Variants in EXOC6B observed in about 807,000 individuals in gnomAD.
EXOC6B encodes the protein exocyst complex component 6B.
In EXOC6B, 54 loss-of-function variants were observed where a neutral mutation model predicts 113.5. The ratio of observed to expected loss-of-function variants is 0.48; its 90% CI spans 0.38 to 0.60. The LOEUF is 0.60. Ranked by LOEUF, EXOC6B falls within the 20% of genes least tolerant of loss-of-function variation. The probability of loss-of-function intolerance (pLI) is 0.00; values close to 1 mark genes in which losing one functional copy is unlikely to be tolerated. For missense variants in EXOC6B, 797 were observed against 977.5 expected (o/e 0.82, Z 2.46); for synonymous variants, 357 against 339.0 (o/e 1.05, Z -0.58).
At chr2:72,201,015 G>T (rs554824097) in intron 20 of EXOC6B, among the ~76,000 whole-genome samples, 1 of 151,702 alleles carries the variant, frequency 6.6e-6, no homozygotes, top group East Asian at 1.9e-4. Flanking sequence ...TCATGATTTT[G>T]TTATGTATCT....
chr2:72,235,952 G>C (rs529437067), intron 20 of EXOC6B, among the ~76,000 whole-genome samples: 130 of 152,078 alleles, frequency 8.5e-4, no homozygotes, highest in Non-Finnish European at 1.2e-3. Context: ...GGCTAAAATA[G>C]CCATATAGAA....
intron 7 of EXOC6B, among the ~76,000 whole-genome samples, chr2:72,563,059 T>G (rs776427106): frequency 6.6e-6 from 1 of 152,140 alleles, no homozygotes; most frequent in Non-Finnish European, 1.5e-5. Flanking sequence ...GTAGGTAAGA[T>G]TTTACATTCT....
chr2:72,514,691 G>T lies in EXOC6B; in HGVS notation c.1000-11C>A. On this transcript the variant is annotated splice_polypyrimidine_tract_variant and intron_variant, in intron 9 of 21. Coordinates refer to ENST00000272427, the MANE Select transcript of EXOC6B (RefSeq NM_015189.3). ...ATCTAAAGTTTCATGCTGCAACAAA[G>T]CAAAGAAGAAAAAGTTATTGTTTCT... 6.8e-7 allele frequency: 1 copy of T among 1,472,050 alleles called. No homozygotes were observed. Among genetic ancestry groups the T allele is most frequent in the Non-Finnish European group, 9.1e-7 (1 of 1,099,064 alleles). 91.2% of individuals were successfully genotyped at this position (1,472,050 alleles called of 1,614,324 possible).
At chr2:72,220,537 T>C (rs1573023073) in intron 20 of EXOC6B, among the ~76,000 whole-genome samples, 1 of 152,218 alleles carries the variant, frequency 6.6e-6, no homozygotes, top group Admixed American at 6.5e-5. Flanking sequence ...TGTGTGGTTC[T>C]GGCCACTAAA....
chr2:72,340,833 C>T (rs1205448505), intron 19 of EXOC6B, among the ~76,000 whole-genome samples: 1 of 152,128 alleles, frequency 6.6e-6, no homozygotes, highest in African/African-American at 2.4e-5. Flanking sequence ...TATGAAGTGT[C>T]TAGGGAAGCC....
chr2:72,342,514 T>G (rs545862498), intron 19 of EXOC6B, among the ~76,000 whole-genome samples: 1 of 152,128 alleles, frequency 6.6e-6, no homozygotes, highest in Non-Finnish European at 1.5e-5. Context: ...TTAGGATGGC[T>G]ATCATCAAAA....
chr2:72,727,996 T>C (rs541953886), intron 5 of EXOC6B, among the ~76,000 whole-genome samples: 33 of 152,024 alleles, frequency 2.2e-4, no homozygotes, highest in African/African-American at 7.2e-4. Flanking sequence ...AATAATCTAA[T>C]AAAAATAAAA....
At chr2:72,575,900 C>T (rs944974794) in intron 6 of EXOC6B, among the ~76,000 whole-genome samples, 1 of 152,042 alleles carries the variant, frequency 6.6e-6, no homozygotes, top group Admixed American at 6.6e-5. Context: ...CTGGAGCCAT[C>T]GTATTTTAAC....
At chr2:72,715,274 C>T (rs1166391595) in intron 6 of EXOC6B, among the ~76,000 whole-genome samples, 5 of 151,060 alleles carry the variant, frequency 3.3e-5, no homozygotes, top group African/African-American at 1.2e-4. Context: ...AACCCTCAGG[C>T]AAAAAGCAAA....
chr2:72,692,568 GT>G (rs1421862431), intron 6 of EXOC6B, among the ~76,000 whole-genome samples: 2 of 151,942 alleles, frequency 1.3e-5, no homozygotes, highest in Admixed American at 6.6e-5. Context: ...AGCCAGGATG[GT>G]CTCCATCTCC....
chr2:72,259,594 A>G (rs977432808), intron 20 of EXOC6B, among the ~76,000 whole-genome samples: 1 of 152,252 alleles, frequency 6.6e-6, no homozygotes, highest in African/African-American at 2.4e-5. Context: ...CTTTCATAAG[A>G]AACTGCCAAA....
intron 20 of EXOC6B, among the ~76,000 whole-genome samples, chr2:72,311,810 AAT>A (rs1687203168): frequency 6.6e-6 from 1 of 152,178 alleles, no homozygotes; most frequent in African/African-American, 2.4e-5. Context: ...TCTGAAATAC[AAT>A]ATTAAGGGAT....
At chr2:72,580,400 C>T (rs1197994766) in intron 6 of EXOC6B, among the ~76,000 whole-genome samples, 2 of 152,030 alleles carry the variant, frequency 1.3e-5, no homozygotes, top group Non-Finnish European at 2.9e-5. Context: ...AACTCGGCCT[C>T]CCAAAGTCCT....
At chr2:72,545,477 G>A (rs1702847241) in intron 8 of EXOC6B, among the ~76,000 whole-genome samples, 1 of 152,042 alleles carries the variant, frequency 6.6e-6, no homozygotes, top group Admixed American at 6.5e-5. Context: ...AAATTTGTTT[G>A]TTATTAAATA....
chr2:72,459,323 C>G (rs1573169083), intron 18 of EXOC6B, among the ~76,000 whole-genome samples: 1 of 152,314 alleles, frequency 6.6e-6, no homozygotes, highest in East Asian at 1.9e-4. Flanking sequence ...CTCACCACTC[C>G]TGTTCAACAT....
In EXOC6B at chr2:72,323,533, C is replaced by T. The variant is rs141352987; in HGVS notation, c.2196+11414G>A. Among the ~76,000 whole-genome samples, 543 of 152,134 alleles carry T rather than the reference C, an allele frequency of 3.6e-3. 6 individuals carry two copies. Among genetic ancestry groups the T allele is most frequent in the African/African-American group, 0.012 (496 of 41,488 alleles). Reference sequence around the variant, plus strand: ...TCATTCTACTATAAAGACACATACACGTGTATGTTTATTGCGGCACTATTC... The same window carrying T: ...TCATTCTACTATAAAGACACATACATGTGTATGTTTATTGCGGCACTATTC... On this transcript the variant is annotated intron_variant, in intron 20 of 21. Coordinates refer to ENST00000272427, the MANE Select transcript of EXOC6B (RefSeq NM_015189.3).
At chr2:72,272,336 G>C (rs1684544014) in intron 20 of EXOC6B, among the ~76,000 whole-genome samples, 1 of 152,072 alleles carries the variant, frequency 6.6e-6, no homozygotes, top group Admixed American at 6.6e-5. Context: ...AGCCTGTTTG[G>C]TGTGTACAGA....
chr2:72,575,471 C>G, intron 7 of EXOC6B, 21 bp downstream of exon 7: 1 of 1,592,238 alleles, frequency 6.3e-7, no homozygotes, highest in Non-Finnish European at 8.5e-7. Flanking sequence ...GTCTCACTTC[C>G]CAACATCAAA....
intron 6 of EXOC6B, among the ~76,000 whole-genome samples, chr2:72,622,113 C>G (rs905182149): frequency 6.6e-6 from 1 of 151,320 alleles, no homozygotes; most frequent in Non-Finnish European, 1.5e-5. Flanking sequence ...TAAATCATTA[C>G]AATGACTACC....
Sources: allele counts gnomAD v4.1 joint callset (sites outside exome capture counted in the v4.1 genomes callset), GRCh38; gene constraint gnomAD v4.1.1; transcripts MANE v1.5; gene names NCBI Gene and HGNC (gene_info 2026-07-23, HGNC 2026-07-21).